Variants in GABRB1 observed in about 807,000 individuals in gnomAD.
GABRB1 encodes the protein gamma-aminobutyric acid receptor subunit beta-1.
Under a neutral mutation model 51.6 loss-of-function variants are expected in GABRB1, and 17 were observed. That is an observed-to-expected ratio of 0.33 (90% CI 0.23 to 0.49). GABRB1 has a LOEUF of 0.49. GABRB1 is among the 20% of genes least tolerant of loss of function. The pLI, the probability that GABRB1 is intolerant of heterozygous loss-of-function variation, is 0.99. For synonymous variants in GABRB1, 247 were observed against 218.9 expected (o/e 1.13, Z -1.14); for missense variants, 410 against 600.6 (o/e 0.68, Z 3.32).
At chr4:47,216,513 A>G (rs1404406828) in intron 4 of GABRB1, among the ~76,000 whole-genome samples, 1 of 151,950 alleles carries the variant, frequency 6.6e-6, no homozygotes, top group Non-Finnish European at 1.5e-5. Context: ...ATGTGATATC[A>G]TCTGTTGTTA....
At chr4:47,005,134 T>C (rs1048031969) in intron 1 of GABRB1, among the ~76,000 whole-genome samples, 4 of 152,104 alleles carry the variant, frequency 2.6e-5, no homozygotes, top group East Asian at 3.9e-4. Context: ...TGGTTCTCCG[T>C]AGGGCCAGGC....
chr4:47,178,720 CTTCT>C (rs1371177928), intron 4 of GABRB1, among the ~76,000 whole-genome samples: 11 of 152,016 alleles, frequency 7.2e-5, no homozygotes, highest in Non-Finnish European at 1.3e-4. Flanking sequence ...GAAGATCAGC[CTTCT>C]TTCTTTCTTT....
intron 3 of GABRB1, among the ~76,000 whole-genome samples, chr4:47,092,130 A>AT (rs2109587876): frequency 8.4e-6 from 1 of 118,892 alleles, no homozygotes; most frequent in South Asian, 2.7e-4. Context: ...CCAAGAATTC[A>AT]TTTCTTTTCT....
At chr4:47,304,241 T>A (rs1447569859) in intron 4 of GABRB1, among the ~76,000 whole-genome samples, 3 of 152,082 alleles carry the variant, frequency 2.0e-5, no homozygotes, top group Admixed American at 2.0e-4. Flanking sequence ...ATGGTTGTAC[T>A]AATTTACATT....
intron 4 of GABRB1, among the ~76,000 whole-genome samples, chr4:47,250,208 G>T (rs1302193194): frequency 5.3e-5 from 8 of 152,114 alleles, no homozygotes; most frequent in Non-Finnish European, 8.8e-5. Flanking sequence ...CTTCATATAT[G>T]ATGCTTAGTT....
At chr4:47,016,118 C>G (rs1724735364) in intron 1 of GABRB1, among the ~76,000 whole-genome samples, 1 of 152,110 alleles carries the variant, frequency 6.6e-6, no homozygotes, top group Non-Finnish European at 1.5e-5. Context: ...GCTAATTAAA[C>G]ACTGGGTATG....
At chr4:47,354,762 AC>A (rs1162287711) in intron 5 of GABRB1, among the ~76,000 whole-genome samples, 1 of 150,660 alleles carries the variant, frequency 6.6e-6, no homozygotes, top group African/African-American at 2.4e-5. Flanking sequence ...AATTTACCTC[AC>A]TTTTTTTTTA....
chr4:47,013,980 A>G (rs1172912912), intron 1 of GABRB1, among the ~76,000 whole-genome samples: 1 of 152,154 alleles, frequency 6.6e-6, no homozygotes, highest in East Asian at 1.9e-4. Context: ...TTTCTCTAAA[A>G]TAATGTCACA....
At chr4:47,258,757 A>G (rs1006804080) in intron 4 of GABRB1, among the ~76,000 whole-genome samples, 1 of 152,190 alleles carries the variant, frequency 6.6e-6, no homozygotes, top group Non-Finnish European at 1.5e-5. Context: ...ATTGCAATCA[A>G]TATATACATG....
upstream of GABRB1, among the ~76,000 whole-genome samples, chr4:47,026,712 T>G (rs542948347): frequency 2.0e-5 from 3 of 152,136 alleles, no homozygotes; most frequent in African/African-American, 7.2e-5. Context: ...TACAAATTCT[T>G]TACGTAATTT....
At chr4:47,146,412 A>T (rs1717174088) in intron 3 of GABRB1, among the ~76,000 whole-genome samples, 1 of 151,970 alleles carries the variant, frequency 6.6e-6, no homozygotes, top group African/African-American at 2.4e-5. Flanking sequence ...GTTGCAGTAG[A>T]AAGAAAGTAT....
intron 4 of GABRB1, among the ~76,000 whole-genome samples, chr4:47,297,590 A>G (rs1309512107): frequency 6.6e-6 from 1 of 152,188 alleles, no homozygotes. Context: ...GACCAATAAC[A>G]GGCTCTGAAA....
At chr4:47,360,392 A>T in intron 5 of GABRB1, among the ~76,000 whole-genome samples, 1 of 151,946 alleles carries the variant, frequency 6.6e-6, no homozygotes. Context: ...GTGTTAGAAA[A>T]TAAAAATGGA....
At chr4:47,070,416 C>T (rs985288891) in intron 3 of GABRB1, among the ~76,000 whole-genome samples, 1 of 152,074 alleles carries the variant, frequency 6.6e-6, no homozygotes, top group Non-Finnish European at 1.5e-5. Context: ...ACTGCAACCT[C>T]CACCTGCCGA....
intron 3 of GABRB1, among the ~76,000 whole-genome samples, chr4:47,068,327 A>G (rs1727173282): frequency 6.6e-6 from 1 of 152,232 alleles, no homozygotes; most frequent in African/African-American, 2.4e-5. Context: ...TCACTGGAGT[A>G]GCATTTAAAT....
rs372458693 is a variant in GABRB1 at position 47,032,033 on chromosome 4, A to G, written c.172+28A>G. 8.5e-6 allele frequency: 13 copies of G among 1,528,604 alleles called. No homozygotes were observed. The African/African-American group carries it at 1.4e-4, about 16-fold the overall frequency. The allele number at this position is 1,528,604 out of a possible 1,614,324, so 94.7% of individuals were successfully genotyped here. ...AACGCTTCATCTTTTTTCAACCTGT[A>G]ACCCATCCTTAGTTCTCCTTTTCTG... On this transcript the variant is annotated intron_variant, in intron 2 of 8. Transcript: ENST00000295454.
chr4:47,308,007 C>T (rs1270778082), intron 4 of GABRB1, among the ~76,000 whole-genome samples: 6 of 151,910 alleles, frequency 3.9e-5, no homozygotes, highest in African/African-American at 1.4e-4. Context: ...TTGACATACA[C>T]ATTTTTGTAT....
At chr4:47,031,353 A>C, upstream of GABRB1, 1 of 416,330 alleles carries the variant, frequency 2.4e-6, no homozygotes, top group South Asian at 3.0e-5. Flanking sequence ...TCAACATAGC[A>C]ACCTCCAATG....
intron 4 of GABRB1, among the ~76,000 whole-genome samples, chr4:47,282,664 C>A (rs1226758916): frequency 2.0e-5 from 3 of 152,082 alleles, no homozygotes; most frequent in Non-Finnish European, 2.9e-5. Context: ...CTTTACAAAT[C>A]TTAACCATAC....
Sources: allele counts gnomAD v4.1 joint callset (sites outside exome capture counted in the v4.1 genomes callset), GRCh38; gene constraint gnomAD v4.1.1; transcripts MANE v1.5; gene names NCBI Gene and HGNC (gene_info 2026-07-23, HGNC 2026-07-21).